Variants in NELFCD observed in about 807,000 individuals in gnomAD.
NELFCD encodes negative elongation factor complex member C/D, also known as negative elongation factor C/D.
NELFCD carries 48 observed loss-of-function variants against 72.9 expected under a neutral mutation model. That is an observed-to-expected ratio of 0.66 (90% confidence interval 0.52 to 0.84). NELFCD has a LOEUF of 0.84. Ranked by LOEUF, NELFCD falls within the 40% of genes least tolerant of loss-of-function variation. The pLI, the probability that NELFCD is intolerant of heterozygous loss-of-function variation, is 0.00. For synonymous variants in NELFCD, 297 were observed against 280.6 expected (o/e 1.06, Z -0.59); for missense variants, 538 against 723.8 (o/e 0.74, Z 2.94).
chr20:58,992,889 GTGAA>G, intron 10 of NELFCD, 105 bp from the exon 11 acceptor site: 1 of 761,600 alleles, frequency 1.3e-6, no homozygotes, highest in Non-Finnish European at 2.3e-6. Flanking sequence ...GTATTGAAGG[GTGAA>G]TGATGGAGTC....
chr20:58,982,456 C>A (rs1030299514), intron 1 of NELFCD, among the ~76,000 whole-genome samples: 1 of 152,128 alleles, frequency 6.6e-6, no homozygotes, highest in Non-Finnish European at 1.5e-5. Flanking sequence ...CTGCTCGTGG[C>A]CCAGGAACTT....
At position 58,993,943 on chromosome 20, in the gene NELFCD, T is replaced by A; in HGVS notation, c.1582-167T>A. 9.4e-7 allele frequency: 1 copy of A among 1,066,152 alleles called. No individual in the cohort carries two copies. The highest frequency in any genetic ancestry group is 1.4e-6 in the Non-Finnish European group (1 of 723,112). 66.0% of individuals were successfully genotyped at this position (1,066,152 alleles called of 1,614,324 possible). A position where few individuals can be genotyped will look rare whatever the true frequency, so the allele number is the denominator to read the frequency against. ...TGCCTGCAGCAGCTGTATGACACAC[T>A]TTACCTCCATTACCACCCTGGGCAT... On this transcript the variant is annotated intron_variant, in intron 13 of 14. Coordinates refer to ENST00000652272, the MANE Select transcript of NELFCD (RefSeq NM_198976.4). This position sits in a 1 kb window ranked among gnomAD's most constrained non-coding sequence, Gnocchi z 5.0.
At position 58,990,973 on chromosome 20, in the gene NELFCD, C is replaced by T. The variant is rs780326560; in HGVS notation, c.852C>T (p.Cys284=). The T allele has an allele frequency of 2.3e-5, 37 of 1,614,036 alleles. No individual in the cohort carries two copies. The highest frequency in any genetic ancestry group is 3.0e-5 in the Non-Finnish European group (35 of 1,179,986). ...LGTAASYPRA[C]QALGAMLSKG... is the part of the protein sequence containing the mutation. ...CAGCTGCCTCCTACCCCAGGGCCTG[C>T]CAGGCTCTCGGGGCCATGCTGTCCA... The change falls in exon 8 of 15, where the codon TGC becomes TGT. Residue 284 remains cysteine, a synonymous_variant. Coordinates refer to ENST00000652272, the MANE Select transcript of NELFCD (RefSeq NM_198976.4).
At chr20:58,981,942 G>T (rs570035784) in intron 1 of NELFCD, among the ~76,000 whole-genome samples, 63 of 149,900 alleles carry the variant, frequency 4.2e-4, no homozygotes, top group Middle Eastern at 3.4e-3. Flanking sequence ...CAGGGTTTGG[G>T]GTGGAAGCCC....
intron 6 of NELFCD, 91 bp from the exon 7 acceptor site, chr20:58,989,767 C>G (rs750658740): frequency 3.1e-6 from 5 of 1,608,162 alleles, no homozygotes; most frequent in Non-Finnish European, 4.3e-6. Context: ...ATGCTCACTC[C>G]CGGGCCCGAG....
intron 4 of NELFCD, chr20:58,988,105 TGTG>T: frequency 2.7e-6 from 1 of 372,728 alleles, no homozygotes; most frequent in South Asian, 3.6e-5. Flanking sequence ...CTTGGAGTGT[TGTG>T]GTGGATTCGT....
chr20:58,982,965 C>T (rs1224336248), intron 1 of NELFCD, among the ~76,000 whole-genome samples: 2 of 151,998 alleles, frequency 1.3e-5, no homozygotes, highest in African/African-American at 4.8e-5. Flanking sequence ...CTGACCTGCC[C>T]AAGGTCATGA....
In NELFCD at chr20:58,986,348, C is replaced by CT. The variant is rs1173622375; in HGVS notation, c.176+155dup. 0.13 allele frequency: 57,535 copies of CT among 454,540 alleles called. No homozygotes were observed. Among genetic ancestry groups the CT allele is most frequent in the South Asian group, 0.16 (5,225 of 33,078 alleles). 28.2% of individuals were successfully genotyped at this position (454,540 alleles called of 1,614,324 possible). ...CTTCAAGGGGGGGTCCCCTCTGCCA[C>CT]TTTTTTTTTTTTTTTAAATTTTTTT... On this transcript the variant is annotated intron_variant, in intron 2 of 14. Coordinates refer to ENST00000652272, the MANE Select transcript of NELFCD (RefSeq NM_198976.4). This position sits in a 1 kb window ranked among gnomAD's most constrained non-coding sequence, Gnocchi z 4.4.
Position 58,993,349 on chromosome 20 carries a change from C to T in NELFCD, c.1345-100C>T, listed in dbSNP as rs1445498935. 1.6e-5 allele frequency: 19 copies of T among 1,190,234 alleles called. No homozygotes were observed. Among genetic ancestry groups the T allele is most frequent in the Non-Finnish European group, 2.3e-5 (19 of 834,986 alleles). The allele number at this position is 1,190,234 out of a possible 1,614,324, so 73.7% of individuals were successfully genotyped here. A position where few individuals can be genotyped will look rare whatever the true frequency, so the allele number is the denominator to read the frequency against. On this transcript the variant is annotated intron_variant, in intron 11 of 14. Transcript: ENST00000652272. The surrounding 1 kb of genome is among the most constrained non-coding windows in gnomAD (Gnocchi z 5.0). Reference sequence around the variant, plus strand: ...TGGCTTAGGTGTCAGGACCTTCTTCCACAGTGATAAGCTCTTTGGTGGCTG... The same window carrying T: ...TGGCTTAGGTGTCAGGACCTTCTTCTACAGTGATAAGCTCTTTGGTGGCTG...
rs375994512 is a variant in NELFCD at position 58,991,071 on chromosome 20, A to T, written c.950A>T (p.Glu317Val). ...ACAAGCATGGACCCTCCTCCGGTTG[A>T]ACTTGTAAGTTGCTTCTCAAGAATC... ...MFTSMDPPPV[E>V]LIRVPAFLDL... Residue 317 changes from glutamate (E) to valine (V), a missense_variant, in exon 8 of 15, where the codon GAA becomes GTA. By Grantham distance (121) the Glu-to-Val change is moderately radical (BLOSUM62 -2). This residue lies in a region of NELFCD where 355 missense variants were observed against 534.5 expected (regional missense o/e 0.66). Transcript: ENST00000652272. 144 of 1,612,842 alleles carry T rather than the reference A, an allele frequency of 8.9e-5. No individual in the cohort carries two copies. Among genetic ancestry groups the T allele is most frequent in the Non-Finnish European group, 1.2e-4 (138 of 1,179,318 alleles).
At chr20:58,988,824 C>T in intron 4 of NELFCD, 90 bp from the exon 5 acceptor site, 1 of 947,800 alleles carries the variant, frequency 1.1e-6, no homozygotes, top group Non-Finnish European at 1.7e-6. Context: ...CCATCAGCAC[C>T]AATCTCCTGT....
chr20:58,990,015 C>A (rs370017836), intron 7 of NELFCD, 27 bp downstream of exon 7: 4 of 1,607,600 alleles, frequency 2.5e-6, no homozygotes, highest in Non-Finnish European at 2.5e-6. Flanking sequence ...CTGCTCAGCC[C>A]TTCCTTCCTA....
chr20:58,993,033 T>C lies in NELFCD; in HGVS notation c.1265T>C (p.Val422Ala), dbSNP rs1601218534. ...GTAGCAATGGGTGTGCTGAAGTGGGTGGATTGGACTGTATCAGAACCAAGG... is the reference window on the plus strand; with the variant it reads ...GTAGCAATGGGTGTGCTGAAGTGGGCGGATTGGACTGTATCAGAACCAAGG... The part of the protein sequence containing the change: ...PVVAMGVLKW[V>A]DWTVSEPRYF... The change falls in exon 11 of 15, where the codon GTG (valine) becomes GCG (alanine). Residue 422 changes from valine to alanine, a missense_variant. By Grantham distance (64) the Val-to-Ala change is moderately conservative. This residue lies in a region of NELFCD where 355 missense variants were observed against 534.5 expected (regional missense o/e 0.66). Coordinates refer to ENST00000652272, the MANE Select transcript of NELFCD (RefSeq NM_198976.4). This position sits in a 1 kb window ranked among gnomAD's most constrained non-coding sequence, Gnocchi z 5.0. 1 of 1,613,852 alleles carries C rather than the reference T, an allele frequency of 6.2e-7. No individual in the cohort carries two copies. The highest frequency in any genetic ancestry group is 1.1e-5 in the South Asian group (1 of 91,074).
In NELFCD at chr20:58,993,903, C is replaced by T; in HGVS notation, c.1581+139C>T. The T allele has an allele frequency of 8.8e-7, 1 of 1,132,350 alleles. No individual in the cohort carries two copies. The allele number at this position is 1,132,350 out of a possible 1,614,324, so 70.1% of individuals were successfully genotyped here. On this transcript the variant is annotated intron_variant, in intron 13 of 14. Coordinates refer to ENST00000652272, the MANE Select transcript of NELFCD (RefSeq NM_198976.4). The surrounding 1 kb of genome is among the most constrained non-coding windows in gnomAD (Gnocchi z 5.0). ...GATGACAATGACAGATACTCGTTTA[C>T]CAAAAAGCACCTTCTGCCTGCAGCA... is the stretch of plus-strand genomic sequence containing the variant.
chr20:58,991,254 G>T (rs2091814460), intron 8 of NELFCD, 58 bp from the exon 9 acceptor site: 2 of 1,609,334 alleles, frequency 1.2e-6, no homozygotes, highest in Non-Finnish European at 1.7e-6. Flanking sequence ...CTGAGGGGAG[G>T]TGGGTGAGCA....
Position 58,986,936 on chromosome 20 carries a change from A to T in NELFCD, c.286+73A>T. 1.2e-6 allele frequency: 1 copy of T among 825,980 alleles called. No individual in the cohort carries two copies. Among genetic ancestry groups the T allele is most frequent in the South Asian group, 1.6e-5 (1 of 63,044 alleles). 51.2% of individuals were successfully genotyped at this position (825,980 alleles called of 1,614,324 possible). On this transcript the variant is annotated intron_variant, in intron 3 of 14. Transcript: ENST00000652272. The surrounding 1 kb of genome is among the most constrained non-coding windows in gnomAD (Gnocchi z 4.4). ...AAAAATAGACTTTTGGGTCCTTATA[A>T]CACTGATACAATGCCTTCTTTGATT...
Position 58,994,683 on chromosome 20 carries a change from G to A in NELFCD, c.*7G>A, listed in dbSNP as rs1342708248. ...CTTCATCATGGTGAACTAATTTAGA[G>A]CATCCTCCAGAGCTGAAGCAGAACA... On this transcript the variant is annotated 3_prime_UTR_variant, in exon 15 of 15. Coordinates refer to ENST00000652272, the MANE Select transcript of NELFCD (RefSeq NM_198976.4). 1 of 1,609,324 alleles carries A rather than the reference G, an allele frequency of 6.2e-7. No individual in the cohort carries two copies. Among genetic ancestry groups the A allele is most frequent in the Non-Finnish European group, 8.5e-7 (1 of 1,175,984 alleles).
In NELFCD at chr20:58,987,781, C is replaced by G; in HGVS notation, c.360C>G (p.Pro120=). 6.2e-7 allele frequency: 1 copy of G among 1,614,136 alleles called. No homozygotes were observed. Among genetic ancestry groups the G allele is most frequent in the Non-Finnish European group, 8.5e-7 (1 of 1,180,006 alleles). The change falls in exon 4 of 15, where the codon CCC becomes CCG. Residue 120 remains proline, a synonymous_variant. Coordinates refer to ENST00000652272, the MANE Select transcript of NELFCD (RefSeq NM_198976.4). The part of the protein sequence containing the change: ...LKSLLIKHFD[P]RKADSIFTEE... ...GTTTGCTGATCAAACATTTTGACCC[C>G]CGCAAAGCAGATTCTATTTTTACTG...
chr20:58,993,434 C>G lies in NELFCD; in HGVS notation c.1345-15C>G, dbSNP rs765503113. 21 of 1,612,588 alleles carry G rather than the reference C, an allele frequency of 1.3e-5. No homozygotes were observed. The South Asian group carries it at 2.3e-4, about 18-fold the overall frequency. ...ACCACACTGCTCAGCGAAGCTCCCT[C>G]TGGCCTGTTTGTAGATCAGCACCTG... is the stretch of plus-strand genomic sequence containing the variant. On this transcript the variant is annotated splice_polypyrimidine_tract_variant and intron_variant, in intron 11 of 14. Coordinates refer to ENST00000652272, the MANE Select transcript of NELFCD (RefSeq NM_198976.4). The surrounding 1 kb of genome is among the most constrained non-coding windows in gnomAD (Gnocchi z 5.0).
Sources: allele counts gnomAD v4.1 joint callset (sites outside exome capture counted in the v4.1 genomes callset), GRCh38; gene constraint gnomAD v4.1.1; regional missense constraint gnomAD v4.1.1; non-coding constraint Gnocchi (gnomAD v3.1); transcripts MANE v1.5; gene names NCBI Gene and HGNC (gene_info 2026-07-23, HGNC 2026-07-21).